Variants in MMP16 observed in about 807,000 individuals in gnomAD.
MMP16 encodes the protein matrix metalloproteinase-16.
In MMP16, 12 loss-of-function variants were observed where a neutral mutation model predicts 67.8. The observed-to-expected ratio is 0.18, with a 90% confidence interval of 0.11 to 0.29. The LOEUF is 0.29. Ranked by LOEUF, MMP16 falls within the 10% of genes least tolerant of loss-of-function variation. MMP16 has a pLI of 1.00. For missense variants in MMP16, 475 were observed against 765.7 expected (o/e 0.62, Z 4.48); for synonymous variants, 249 against 255.9 (o/e 0.97, Z 0.26).
intron 4 of MMP16, among the ~76,000 whole-genome samples, chr8:88,124,712 G>T (rs528768065): frequency 4.6e-5 from 7 of 151,952 alleles, no homozygotes; most frequent in East Asian, 1.9e-4. Context: ...AAGTGTTTTA[G>T]TCTGTCCTGG....
chr8:88,231,709 G>A (rs996737244), intron 1 of MMP16, among the ~76,000 whole-genome samples: 16 of 152,272 alleles, frequency 1.1e-4, no homozygotes, highest in African/African-American at 3.6e-4. Context: ...TTCCTGGTAG[G>A]TTCCCACTCC....
intron 2 of MMP16, among the ~76,000 whole-genome samples, chr8:88,188,783 G>A (rs950496698): frequency 6.6e-6 from 1 of 151,916 alleles, no homozygotes; most frequent in Non-Finnish European, 1.5e-5. Context: ...AGCCTCCTGA[G>A]TAGCTGGGAT....
At position 88,116,638 on chromosome 8, in the gene MMP16, T is replaced by C. The variant is rs778990548; in HGVS notation, c.952A>G (p.Arg318Gly). 3.7e-6 allele frequency: 6 copies of C among 1,613,908 alleles called. No individual in the cohort carries two copies. Among genetic ancestry groups the C allele is most frequent in the Non-Finnish European group, 5.1e-6 (6 of 1,179,892 alleles). ...PHRSIPPADPRKNDRPKPPRP... is the reference protein window; with the variant it reads ...PHRSIPPADPGKNDRPKPPRP... The stretch of plus-strand genomic sequence containing the variant: ...GGAGGTTTTGGCCTGTCATTTTTCC[T>C]TGGGTCAGCCGGAGGAATAGAGCGG... Residue 318 changes from arginine (R) to glycine (G), a missense_variant, in exon 6 of 10, where the codon AGG (arginine) becomes GGG (glycine). Coordinates refer to ENST00000286614, the MANE Select transcript of MMP16 (RefSeq NM_005941.5).
rs56780519 is a variant in MMP16 at position 88,306,001 on chromosome 8, GT to G, written c.132+21073del. Reference sequence around the variant, plus strand: ...TGAAAAATCAATGAACCCAGGAGGTGTTTTTTTTTTTGAAAAAATTAATAAA... The same window carrying G: ...TGAAAAATCAATGAACCCAGGAGGTGTTTTTTTTTTGAAAAAATTAATAAA... On this transcript the variant is annotated intron_variant, in intron 1 of 9. Transcript: ENST00000286614. Among the ~76,000 whole-genome samples the G allele has an allele frequency of 6.0e-3, 856 of 143,142 alleles. 5 individuals carry two copies. Among genetic ancestry groups the G allele is most frequent in the African/African-American group, 0.018 (691 of 39,382 alleles). The allele number at this position is 143,142 out of a possible 152,430, so 93.9% of individuals were successfully genotyped here.
intron 1 of MMP16, among the ~76,000 whole-genome samples, chr8:88,271,584 C>G (rs1295419873): frequency 6.6e-6 from 1 of 152,176 alleles, no homozygotes; most frequent in African/African-American, 2.4e-5. Flanking sequence ...ACCTCCGCCT[C>G]CCGGGTTCAA....
chr8:88,211,578 T>C (rs189707386), intron 1 of MMP16, among the ~76,000 whole-genome samples: 1 of 152,222 alleles, frequency 6.6e-6, no homozygotes, highest in African/African-American at 2.4e-5. Context: ...TAAACACAAC[T>C]TGAAAAGCCT....
At chr8:88,256,977 A>G (rs1012273900) in intron 1 of MMP16, among the ~76,000 whole-genome samples, 2 of 152,212 alleles carry the variant, frequency 1.3e-5, no homozygotes, top group Non-Finnish European at 2.9e-5. Flanking sequence ...TTTTATCCTC[A>G]GTAAGCATGA....
intron 1 of MMP16, among the ~76,000 whole-genome samples, chr8:88,302,518 C>T (rs951918994): frequency 6.6e-6 from 1 of 152,038 alleles, no homozygotes; most frequent in Non-Finnish European, 1.5e-5. Context: ...ACAAGTGTGT[C>T]CAAATAAGTA....
At position 88,161,141 on chromosome 8, in the gene MMP16, C is replaced by T. The variant is rs192874162; in HGVS notation, c.709+6528G>A. Among the ~76,000 whole-genome samples, 1,194 of 152,258 alleles carry T rather than the reference C, an allele frequency of 7.8e-3. 17 individuals are homozygous for T. The highest frequency in any genetic ancestry group is 0.075 in the Middle Eastern group (22 of 294). The stretch of plus-strand genomic sequence containing the variant: ...GGAATGGTACCAGCTCCTCCTTGTA[C>T]CTCTGGTAGAATTCGGCTGTGAATC... On this transcript the variant is annotated intron_variant, in intron 4 of 9. Transcript: ENST00000286614.
At chr8:88,080,045 T>G (rs1268983078) in intron 6 of MMP16, among the ~76,000 whole-genome samples, 1 of 152,230 alleles carries the variant, frequency 6.6e-6, no homozygotes, top group African/African-American at 2.4e-5. Context: ...TCACAGCACT[T>G]ACACATATGT....
At chr8:88,180,819 C>T (rs1808967997) in intron 3 of MMP16, among the ~76,000 whole-genome samples, 1 of 152,062 alleles carries the variant, frequency 6.6e-6, no homozygotes, top group African/African-American at 2.4e-5. Flanking sequence ...ATAGAATAAT[C>T]TATACAAAGA....
chr8:88,290,843 C>A (rs1344620955), intron 1 of MMP16, among the ~76,000 whole-genome samples: 1 of 152,108 alleles, frequency 6.6e-6, no homozygotes, highest in Non-Finnish European at 1.5e-5. Flanking sequence ...AACAGGGAAG[C>A]AACCATAATC....
intron 1 of MMP16, among the ~76,000 whole-genome samples, chr8:88,244,990 T>A (rs1293502590): frequency 1.3e-4 from 20 of 152,214 alleles, no homozygotes; most frequent in Admixed American, 1.2e-3. Flanking sequence ...TACATAGAAA[T>A]TGAGGTCGGG....
intron 1 of MMP16, among the ~76,000 whole-genome samples, chr8:88,231,235 A>T (rs1202114910): frequency 6.6e-6 from 1 of 152,206 alleles, no homozygotes; most frequent in Non-Finnish European, 1.5e-5. Context: ...AGATTCTCTA[A>T]CGATTCACTG....
At chr8:88,131,016 TA>T (rs1201298620) in intron 4 of MMP16, among the ~76,000 whole-genome samples, 1 of 151,766 alleles carries the variant, frequency 6.6e-6, no homozygotes, top group Non-Finnish European at 1.5e-5. Flanking sequence ...GCAAAGAACC[TA>T]ATTAATGGGA....
chr8:88,072,998 C>T (rs563888335), intron 7 of MMP16, among the ~76,000 whole-genome samples: 12 of 152,254 alleles, frequency 7.9e-5, no homozygotes, highest in African/African-American at 2.6e-4. Context: ...AAAGAGCTGT[C>T]AGAACACGAA....
At chr8:88,154,710 A>G (rs1194678516) in intron 4 of MMP16, among the ~76,000 whole-genome samples, 1 of 146,392 alleles carries the variant, frequency 6.8e-6, no homozygotes, top group Non-Finnish European at 1.5e-5. Flanking sequence ...CACTCTGGGG[A>G]CTGTGGTGGG....
At chr8:88,160,754 A>G (rs571681185) in intron 4 of MMP16, among the ~76,000 whole-genome samples, 6 of 152,184 alleles carry the variant, frequency 3.9e-5, no homozygotes, top group Non-Finnish European at 7.4e-5. Flanking sequence ...AACTAGAAAT[A>G]CCATTTGACC....
intron 4 of MMP16, among the ~76,000 whole-genome samples, chr8:88,157,952 G>A (rs923131605): frequency 1.3e-5 from 2 of 151,922 alleles, no homozygotes; most frequent in Non-Finnish European, 2.9e-5. Flanking sequence ...ATAGTTTGCT[G>A]AGAAGGATGG....
Sources: gnomAD v4.1 joint callset for allele counts (sites outside exome capture counted in the v4.1 genomes callset) on GRCh38, gnomAD v4.1.1 for gene constraint, MANE v1.5 for transcripts, NCBI Gene and HGNC (gene_info 2026-07-23, HGNC 2026-07-21) for gene names.